CSMD2: variants seen among roughly 807,000 people sequenced by gnomAD.
The protein encoded by CSMD2 is CUB and Sushi multiple domains 2.
In CSMD2, 130 loss-of-function variants were observed where a neutral mutation model predicts 398.5. The observed-to-expected ratio is 0.33, with a 90% CI of 0.28 to 0.38. CSMD2 has a LOEUF of 0.38. Ranked by LOEUF, CSMD2 falls within the 10% of genes least tolerant of loss-of-function variation. The pLI is 1.00. For synonymous variants in CSMD2, 1,828 were observed against 1,908.5 expected, an observed-to-expected ratio of 0.96 and a Z score of 1.10; for missense variants, 3,829 against 4,764.9, an observed-to-expected ratio of 0.80 and a Z score of 5.78.
intron 1 of CSMD2, among the ~76,000 whole-genome samples, chr1:34,119,718 A>G (rs1661974113): frequency 6.6e-6 from 1 of 152,224 alleles, no homozygotes; most frequent in Admixed American, 6.5e-5. Context: ...CCACCATGAG[A>G]TATCACCTCA....
intron 24 of CSMD2, 103 bp downstream of exon 24, chr1:33,698,650 C>T: frequency 5.6e-6 from 6 of 1,077,236 alleles, no homozygotes; most frequent in African/African-American, 3.2e-5. Flanking sequence ...AAGTTGATGG[C>T]CCCCAGGCCC....
chr1:33,742,854 A>G (rs1334753954), intron 14 of CSMD2, among the ~76,000 whole-genome samples: 2 of 152,196 alleles, frequency 1.3e-5, no homozygotes, highest in Non-Finnish European at 2.9e-5. Flanking sequence ...GCACGAACTC[A>G]GAGGTCAGCA....
intron 1 of CSMD2, among the ~76,000 whole-genome samples, chr1:34,097,644 C>CAA: frequency 1.5e-5 from 1 of 68,524 alleles, no homozygotes; most frequent in African/African-American, 6.2e-5. Flanking sequence ...TTTATGCAGC[C>CAA]AAAAAACACA....
intron 1 of CSMD2, among the ~76,000 whole-genome samples, chr1:34,135,779 T>A (rs537554143): frequency 6.6e-6 from 1 of 152,030 alleles, no homozygotes; most frequent in Non-Finnish European, 1.5e-5. Context: ...TACAGAGTAA[T>A]GTATATGATA....
At chr1:33,526,096 A>G (rs1055560064) in intron 65 of CSMD2, among the ~76,000 whole-genome samples, 8 of 152,260 alleles carry the variant, frequency 5.3e-5, no homozygotes, top group African/African-American at 1.7e-4. Flanking sequence ...ATAGAATAAC[A>G]TCACATTGTA....
At chr1:33,566,997 A>G (rs1427312180) in intron 53 of CSMD2, among the ~76,000 whole-genome samples, 1 of 152,218 alleles carries the variant, frequency 6.6e-6, no homozygotes, top group Admixed American at 6.5e-5. Context: ...TGGGACATTC[A>G]TAACAACTGA....
At chr1:34,114,089 C>T (rs1661362513) in intron 1 of CSMD2, among the ~76,000 whole-genome samples, 1 of 152,084 alleles carries the variant, frequency 6.6e-6, no homozygotes, top group Admixed American at 6.5e-5. Flanking sequence ...CACCAGAGAA[C>T]CTGAGTACCA....
rs1655905023 is a variant in CSMD2, at chr1:33,537,424, A to T, written c.9805+12T>A. ...CCAGCCAAGACGCTCCCTGCTCCAG[A>T]TGACCTCTCACCTATGCAGCTGGGC... On this transcript the variant is annotated intron_variant, in intron 61 of 70. Coordinates refer to ENST00000373381, the MANE Select transcript of CSMD2 (RefSeq NM_001281956.2). The surrounding 1 kb of genome is among the most constrained non-coding windows in gnomAD (Gnocchi z 4.6). 6.2e-7 allele frequency: 1 copy of T among 1,601,052 alleles called. No homozygotes were observed.
chr1:33,677,880 T>G (rs1644771137), intron 25 of CSMD2, among the ~76,000 whole-genome samples: 1 of 144,002 alleles, frequency 6.9e-6, no homozygotes, highest in African/African-American at 2.6e-5. Context: ...ACACCGCATG[T>G]TCTCACTCAC....
At chr1:33,542,673 A>T (rs1379453843) in intron 58 of CSMD2, 47 bp downstream of exon 58, 1 of 1,553,894 alleles carries the variant, frequency 6.4e-7, no homozygotes, top group Non-Finnish European at 8.8e-7. Context: ...GGCATGCAGG[A>T]TCTGGGCCAC....
At chr1:33,992,664 C>T (rs1441997826) in intron 3 of CSMD2, among the ~76,000 whole-genome samples, 3 of 150,860 alleles carry the variant, frequency 2.0e-5, no homozygotes, top group African/African-American at 4.9e-5. Context: ...GTCAGGAGAT[C>T]GAGACCATCC....
chr1:33,740,136 T>G (rs1647009073), intron 14 of CSMD2, among the ~76,000 whole-genome samples: 1 of 152,188 alleles, frequency 6.6e-6, no homozygotes, highest in Non-Finnish European at 1.5e-5. Flanking sequence ...GTGCGGCACG[T>G]GACAGATGGT....
At chr1:33,951,023 C>A (rs1440433493) in intron 3 of CSMD2, among the ~76,000 whole-genome samples, 1 of 152,184 alleles carries the variant, frequency 6.6e-6, no homozygotes, top group Non-Finnish European at 1.5e-5. Context: ...TTTCTAGACA[C>A]CTGAGAACCC....
chr1:33,673,649 C>G (rs928213285), intron 25 of CSMD2, among the ~76,000 whole-genome samples: 17 of 152,090 alleles, frequency 1.1e-4, no homozygotes, highest in African/African-American at 4.1e-4. Flanking sequence ...AACTCCAAGA[C>G]ACATAATTGT....
intron 12 of CSMD2, among the ~76,000 whole-genome samples, chr1:33,774,493 C>T (rs955327601): frequency 9.9e-5 from 15 of 152,250 alleles, no homozygotes; most frequent in African/African-American, 3.1e-4. Flanking sequence ...GACCCACCTG[C>T]CTCCAGATGT....
intron 10 of CSMD2, 60 bp downstream of exon 10, chr1:33,810,683 C>T: frequency 6.4e-7 from 1 of 1,551,864 alleles, no homozygotes; most frequent in Non-Finnish European, 8.7e-7. Context: ...ACCTTGTAGG[C>T]CAACTGTCCC....
At chr1:33,932,118 G>A (rs886593951) in intron 4 of CSMD2, among the ~76,000 whole-genome samples, 7 of 152,160 alleles carry the variant, frequency 4.6e-5, no homozygotes, top group African/African-American at 1.4e-4. Flanking sequence ...ACTTTTCACT[G>A]AGCTGGGGAA....
intron 2 of CSMD2, among the ~76,000 whole-genome samples, chr1:34,057,695 A>G (rs1305731276): frequency 1.3e-5 from 2 of 152,062 alleles, no homozygotes; most frequent in African/African-American, 2.4e-5. Flanking sequence ...GTGCCTGATA[A>G]TTAGGCTGTG....
chr1:33,662,199 CTAAT>C (rs1331646597), intron 26 of CSMD2, among the ~76,000 whole-genome samples: 2 of 152,126 alleles, frequency 1.3e-5, no homozygotes, highest in Admixed American at 6.5e-5. Context: ...ATTGCAGTGC[CTAAT>C]TAATTAAATT....
Sources: gnomAD v4.1 joint callset for allele counts (sites outside exome capture counted in the v4.1 genomes callset) on GRCh38, gnomAD v4.1.1 for gene constraint, Gnocchi (gnomAD v3.1) non-coding constraint, MANE v1.5 for transcripts, NCBI Gene and HGNC (gene_info 2026-07-23, HGNC 2026-07-21) for gene names.